The following MAP2K4 variants were observed in gnomAD, a reference collection of about 807,000 sequenced individuals.
MAP2K4 encodes dual specificity mitogen-activated protein kinase kinase 4.
Under a neutral mutation model 48.5 loss-of-function variants are expected in MAP2K4, and 4 were observed. The observed-to-expected ratio is 0.08, with a 90% CI of 0.04 to 0.19. MAP2K4 has a LOEUF of 0.19. MAP2K4 is among the 10% of genes least tolerant of loss of function. The pLI, the probability that MAP2K4 is intolerant of heterozygous loss-of-function variation, is 1.00. For synonymous variants in MAP2K4, 166 were observed against 173.1 expected, an observed-to-expected ratio of 0.96 and a Z score of 0.32; for missense variants, 258 against 493.3, an observed-to-expected ratio of 0.52 and a Z score of 4.52.
chr17:12,023,908 G>T (rs1969173517), intron 1 of MAP2K4, among the ~76,000 whole-genome samples: 1 of 152,202 alleles, frequency 6.6e-6, no homozygotes, highest in Non-Finnish European at 1.5e-5. Context: ...GACCTGACAT[G>T]TAGTAAGGAT....
At chr17:12,119,829 C>T (rs1384393805) in intron 7 of MAP2K4, among the ~76,000 whole-genome samples, 6 of 152,206 alleles carry the variant, frequency 3.9e-5, no homozygotes, top group Non-Finnish European at 8.8e-5. Context: ...AGAATGAGAG[C>T]ATGTCCTTTG....
chr17:12,081,277 C>A lies in MAP2K4; in HGVS notation c.219-79C>A. ...TTAGTAATTTAGAAAACATTTTTCC[C>A]ACACATTAATCAGTACTAAAAGAAA... On this transcript the variant is annotated intron_variant, in intron 2 of 10. Coordinates refer to ENST00000353533, the MANE Select transcript of MAP2K4 (RefSeq NM_003010.4). This position sits in a 1 kb window ranked among gnomAD's most constrained non-coding sequence, Gnocchi z 4.2. 1 of 1,102,768 alleles carries A rather than the reference C, an allele frequency of 9.1e-7. No homozygotes were observed. Among genetic ancestry groups the A allele is most frequent in the Non-Finnish European group, 1.3e-6 (1 of 779,590 alleles). The allele number at this position is 1,102,768 out of a possible 1,614,324, so 68.3% of individuals were successfully genotyped here.
intron 3 of MAP2K4, among the ~76,000 whole-genome samples, chr17:12,084,091 A>G (rs934643848): frequency 4.6e-5 from 7 of 152,128 alleles, no homozygotes; most frequent in Non-Finnish European, 7.4e-5. Flanking sequence ...TTTTCTTTGT[A>G]TTATTCCTCA....
Position 12,142,771 on chromosome 17 carries a change from C to T in MAP2K4, c.*1511C>T, listed in dbSNP as rs1274404237. On this transcript the variant is annotated 3_prime_UTR_variant, in exon 11 of 11. Coordinates refer to ENST00000353533, the MANE Select transcript of MAP2K4 (RefSeq NM_003010.4). ...TGTGCTTCTTCACTTACCCATTAGC[C>T]AGGTTCTCATTAGGTTTTGCTTGGG... 1 of 232,898 alleles carries T rather than the reference C, an allele frequency of 4.3e-6. No homozygotes were observed. The highest frequency in any genetic ancestry group is 8.5e-6 in the Non-Finnish European group (1 of 117,828). 14.4% of individuals were successfully genotyped at this position (232,898 alleles called of 1,614,324 possible).
At chr17:12,134,926 TCTCA>T (rs1450877083) in intron 9 of MAP2K4, among the ~76,000 whole-genome samples, 6 of 152,198 alleles carry the variant, frequency 3.9e-5, no homozygotes, top group South Asian at 2.1e-4. Flanking sequence ...TGAGATAGGG[TCTCA>T]CTCACTCTGT....
In MAP2K4 at chr17:12,081,958, C is replaced by G. The variant is rs572154384; in HGVS notation, c.393+428C>G. On this transcript the variant is annotated intron_variant, in intron 3 of 10. Coordinates refer to ENST00000353533, the MANE Select transcript of MAP2K4 (RefSeq NM_003010.4). This position sits in a 1 kb window ranked among gnomAD's most constrained non-coding sequence, Gnocchi z 4.2. ...CTTACTGAAGGTTTCCTGGAAACCACGCACATGCTGTTGCCACTAACCTCA... is the reference window on the plus strand; with the variant it reads ...CTTACTGAAGGTTTCCTGGAAACCAGGCACATGCTGTTGCCACTAACCTCA... The G allele has an allele frequency of 5.6e-6, 3 of 533,534 alleles. No individual in the cohort carries two copies. In the Admixed American group the frequency reaches 5.8e-5, roughly 10 times the overall value. 33.0% of individuals were successfully genotyped at this position (533,534 alleles called of 1,614,324 possible). A position where few individuals can be genotyped will look rare whatever the true frequency, so the allele number is the denominator to read the frequency against.
chr17:12,096,363 T>C lies in MAP2K4; in HGVS notation c.513+669T>C, dbSNP rs28923198. ...TTGGGTTATCATTTCTGCCTCCAGC[T>C]CTCAATCCACTTACTCATTTCCAGT... On this transcript the variant is annotated intron_variant, in intron 4 of 10. Coordinates refer to ENST00000353533, the MANE Select transcript of MAP2K4 (RefSeq NM_003010.4). 2.8e-3 allele frequency among the ~76,000 whole-genome samples: 431 copies of C among 152,268 alleles called. 2 individuals are homozygous for C. The highest frequency in any genetic ancestry group is 6.6e-3 in the African/African-American group (273 of 41,550).
rs200465682 is a variant in MAP2K4 at position 12,078,834 on chromosome 17, G to GT, written c.219-2521dup. 6.9e-3 allele frequency among the ~76,000 whole-genome samples: 1,057 copies of GT among 152,236 alleles called. 3 individuals are homozygous for GT. Among genetic ancestry groups the GT allele is most frequent in the Admixed American group, 0.011 (174 of 15,292 alleles). On this transcript the variant is annotated intron_variant, in intron 2 of 10. Transcript: ENST00000353533. ...TCCTGTATCTAGTCAGTCCAGTGCT[G>GT]TATCTGTGTATAGTCCTGTGGAAGC...
chr17:12,084,869 A>C (rs1013920671), intron 3 of MAP2K4, among the ~76,000 whole-genome samples: 4 of 152,198 alleles, frequency 2.6e-5, no homozygotes, highest in Admixed American at 1.3e-4. Flanking sequence ...TGGGAGAAAC[A>C]CCTAGCATCA....
intron 8 of MAP2K4, among the ~76,000 whole-genome samples, chr17:12,126,758 A>G (rs1972867149): frequency 6.6e-6 from 1 of 152,052 alleles, no homozygotes; most frequent in Admixed American, 6.5e-5. Flanking sequence ...TTTCCTTTTT[A>G]CCAAATTTTG....
At chr17:12,096,354 G>T (rs1971758312) in intron 4 of MAP2K4, among the ~76,000 whole-genome samples, 1 of 151,806 alleles carries the variant, frequency 6.6e-6, no homozygotes, top group South Asian at 2.1e-4. Flanking sequence ...TATCATTTCT[G>T]CCTCCAGCTC....
intron 7 of MAP2K4, among the ~76,000 whole-genome samples, chr17:12,120,046 TG>T (rs1972632720): frequency 6.6e-6 from 1 of 152,114 alleles, no homozygotes; most frequent in East Asian, 1.9e-4. Context: ...AAATAACTAT[TG>T]GGTACTAGGC....
intron 3 of MAP2K4, among the ~76,000 whole-genome samples, chr17:12,093,864 A>C (rs905072769): frequency 2.0e-5 from 3 of 152,188 alleles, no homozygotes; most frequent in African/African-American, 7.2e-5. Context: ...TCACAGCTAC[A>C]CTTTTAGAGT....
chr17:12,079,450 T>A (rs575495543), intron 2 of MAP2K4, among the ~76,000 whole-genome samples: 2 of 152,288 alleles, frequency 1.3e-5, no homozygotes, highest in South Asian at 4.1e-4. Context: ...TATATCATCT[T>A]TACCATATTC....
At chr17:12,026,302 G>T (rs1052198902) in intron 1 of MAP2K4, among the ~76,000 whole-genome samples, 9 of 152,060 alleles carry the variant, frequency 5.9e-5, no homozygotes, top group Admixed American at 3.3e-4. Flanking sequence ...TGAGAAGCTG[G>T]ATTGATGTGA....
At chr17:12,042,010 G>A (rs1349900999) in intron 1 of MAP2K4, among the ~76,000 whole-genome samples, 8 of 151,600 alleles carry the variant, frequency 5.3e-5, no homozygotes, top group African/African-American at 7.3e-5. Flanking sequence ...GCGAAACCCC[G>A]TCTCTATTAA....
intron 7 of MAP2K4, among the ~76,000 whole-genome samples, chr17:12,119,504 A>T (rs1597487209): frequency 6.6e-6 from 1 of 152,216 alleles, no homozygotes; most frequent in South Asian, 2.1e-4. Flanking sequence ...TGGTGAGGTT[A>T]TGGAGAAAAG....
intron 4 of MAP2K4, 36 bp from the exon 5 acceptor site, chr17:12,107,754 G>C (rs2151572730): frequency 6.6e-7 from 1 of 1,522,394 alleles, no homozygotes; most frequent in Non-Finnish European, 8.8e-7. Context: ...TGATATTTAA[G>C]ATGTATAAGA....
intron 2 of MAP2K4, among the ~76,000 whole-genome samples, chr17:12,073,081 A>C (rs1174538674): frequency 1.3e-5 from 2 of 152,246 alleles, no homozygotes; most frequent in Non-Finnish European, 2.9e-5. Flanking sequence ...TGAAAATATG[A>C]AACACTGAAA....
Sources: gnomAD v4.1 joint callset for allele counts (sites outside exome capture counted in the v4.1 genomes callset) on GRCh38, gnomAD v4.1.1 for gene constraint, Gnocchi (gnomAD v3.1) non-coding constraint, MANE v1.5 for transcripts, NCBI Gene and HGNC (gene_info 2026-07-23, HGNC 2026-07-21) for gene names.